ZFR2: variants seen among roughly 807,000 people sequenced by gnomAD.
ZFR2 encodes the protein zinc finger RNA binding protein 2.
A neutral mutation model predicts 105.7 loss-of-function variants in ZFR2; 104 were observed. That is an observed-to-expected ratio of 0.98 (90% CI 0.84 to 1.16). ZFR2 has a LOEUF of 1.16. ZFR2 is among the 50% of genes most tolerant of loss of function. The pLI is 0.00. For missense variants in ZFR2, 1,425 were observed against 1,355.5 expected (o/e 1.05, Z -0.80); for synonymous variants, 634 against 597.7 (o/e 1.06, Z -0.89).
At chr19:3,828,277 TG>T (rs2037974940) in intron 5 of ZFR2, among the ~76,000 whole-genome samples, 1 of 152,078 alleles carries the variant, frequency 6.6e-6, no homozygotes, top group African/African-American at 2.4e-5. Flanking sequence ...CCCAAGTAGC[TG>T]GGACTACAGG....
intron 16 of ZFR2, among the ~76,000 whole-genome samples, chr19:3,809,856 A>G (rs939624931): frequency 1.1e-4 from 17 of 152,140 alleles, no homozygotes. Flanking sequence ...AGGCAGGAGA[A>G]TCGCTTGAGC....
At chr19:3,833,383 TG>T (rs1393319908) in intron 3 of ZFR2, among the ~76,000 whole-genome samples, 1 of 152,036 alleles carries the variant, frequency 6.6e-6, no homozygotes, top group African/African-American at 2.4e-5. Flanking sequence ...GAGACCATCC[TG>T]GCTAATACTG....
At chr19:3,837,547 GATGAACACCGTGACCGTGACACCCA>G (rs2038090059) in intron 1 of ZFR2, among the ~76,000 whole-genome samples, 1 of 148,706 alleles carries the variant, frequency 6.7e-6, no homozygotes. Flanking sequence ...CGTGACACTC[GATGAACACCGTGACCGTGACACCCA>G]ATGAACACCG....
intron 3 of ZFR2, among the ~76,000 whole-genome samples, chr19:3,832,887 C>T (rs949187908): frequency 1.3e-5 from 2 of 151,328 alleles, no homozygotes; most frequent in Non-Finnish European, 2.9e-5. Context: ...AATTCTCCCA[C>T]CTCGGGCCTC....
In ZFR2 at chr19:3,834,639, G is replaced by T; in HGVS notation, c.264+134C>A. On this transcript the variant is annotated intron_variant, in intron 2 of 18. Coordinates refer to ENST00000262961, the MANE Select transcript of ZFR2 (RefSeq NM_015174.2). The surrounding 1 kb of genome is among the most constrained non-coding windows in gnomAD (Gnocchi z 5.3). ...TCCCCACCACGGGTACGCAATGCCA[G>T]CAGAAGGGTCCCGAAGGAAGGATCA... 1.0e-6 allele frequency: 1 copy of T among 982,692 alleles called. No homozygotes were observed. The highest frequency in any genetic ancestry group is 1.5e-6 in the Non-Finnish European group (1 of 654,452). The allele number at this position is 982,692 out of a possible 1,614,324, so 60.9% of individuals were successfully genotyped here.
chr19:3,860,088 T>C (rs147770556), intron 1 of ZFR2, among the ~76,000 whole-genome samples: 15 of 152,040 alleles, frequency 9.9e-5, no homozygotes, highest in African/African-American at 2.4e-4. Flanking sequence ...TGGAGTGCAG[T>C]AGCACAATCA....
intron 11 of ZFR2, 132 bp downstream of exon 11, chr19:3,820,050 C>T: frequency 1.2e-6 from 1 of 864,448 alleles, no homozygotes; most frequent in South Asian, 1.6e-5. Flanking sequence ...GTGAGGAGGC[C>T]TGGGCCATGG....
chr19:3,842,350 A>G (rs1365194909), intron 1 of ZFR2, among the ~76,000 whole-genome samples: 3 of 152,126 alleles, frequency 2.0e-5, no homozygotes, highest in Non-Finnish European at 4.4e-5. Flanking sequence ...GACCCTGAGC[A>G]TTAGAATTGC....
chr19:3,813,071 C>G lies in ZFR2; in HGVS notation c.2242+749G>C, dbSNP rs1396272162. Among the ~76,000 whole-genome samples, 2 of 152,158 alleles carry G rather than the reference C, an allele frequency of 1.3e-5. No individual in the cohort carries two copies. The highest frequency in any genetic ancestry group is 2.9e-5 in the Non-Finnish European group (2 of 68,030). On this transcript the variant is annotated intron_variant, in intron 14 of 18. Coordinates refer to ENST00000262961, the MANE Select transcript of ZFR2 (RefSeq NM_015174.2). The surrounding 1 kb of genome is among the most constrained non-coding windows in gnomAD (Gnocchi z 4.4). ...CTCCAGCCTGGGCAACAGAGCGAGA[C>G]TCTGTCTCAAAAAACAAACAAACAA...
intron 1 of ZFR2, among the ~76,000 whole-genome samples, chr19:3,839,300 C>T (rs985739051): frequency 3.9e-5 from 6 of 151,918 alleles, no homozygotes; most frequent in African/African-American, 4.8e-5. Context: ...TGGGAGGCCA[C>T]GGCAGGCAGA....
intron 1 of ZFR2, among the ~76,000 whole-genome samples, chr19:3,864,688 T>C (rs1165454162): frequency 1.3e-5 from 2 of 152,200 alleles, no homozygotes; most frequent in Non-Finnish European, 2.9e-5. Context: ...TATTCTCAGC[T>C]AAAAAACTGT....
At chr19:3,847,852 G>A (rs949313741) in intron 1 of ZFR2, among the ~76,000 whole-genome samples, 1 of 152,162 alleles carries the variant, frequency 6.6e-6, no homozygotes, top group African/African-American at 2.4e-5. Context: ...AGCTGATTTA[G>A]AATCATCAGG....
chr19:3,818,598 T>A (rs1441589185), intron 12 of ZFR2, among the ~76,000 whole-genome samples: 1 of 152,184 alleles, frequency 6.6e-6, no homozygotes, highest in African/African-American at 2.4e-5. Context: ...GTGGGGACTT[T>A]CTCACTTCCT....
chr19:3,865,617 G>T (rs568727521), intron 1 of ZFR2, among the ~76,000 whole-genome samples: 1 of 152,050 alleles, frequency 6.6e-6, no homozygotes, highest in Non-Finnish European at 1.5e-5. Context: ...CTTGGCCTTC[G>T]AAAGTGCTGG....
Position 3,805,981 on chromosome 19 carries a change from G to C in ZFR2, c.2788C>G (p.Arg930Gly), listed in dbSNP as rs1054214424. The C allele has an allele frequency of 1.3e-6, 2 of 1,541,378 alleles. No homozygotes were observed. The highest frequency in any genetic ancestry group is 2.5e-5 in the East Asian group (1 of 40,334). ...AGCCCCTCTCCGCCCCGCCGGCCCCGCTTCTTCTCCCCTGCGCCCTCCTCT... is the reference window on the plus strand; with the variant it reads ...AGCCCCTCTCCGCCCCGCCGGCCCCCCTTCTTCTCCCCTGCGCCCTCCTCT... ...EGEEGAGEKKRGRRGGEGLV is the reference protein window; with the variant it reads ...EGEEGAGEKKGGRRGGEGLV Residue 930 changes from arginine (R) to glycine (G), a missense_variant, in exon 19 of 19, where the codon CGG becomes GGG. Transcript: ENST00000262961.
rs2037797654 is a variant in ZFR2 at position 3,813,857 on chromosome 19, G to A, written c.2205C>T (p.Thr735=). 8 of 1,613,788 alleles carry A rather than the reference G, an allele frequency of 5.0e-6. No homozygotes were observed. The highest frequency in any genetic ancestry group is 1.3e-5 in the African/African-American group (1 of 74,904). Residue 735 remains threonine, a synonymous_variant, in exon 14 of 19, where the codon ACC becomes ACT. Coordinates refer to ENST00000262961, the MANE Select transcript of ZFR2 (RefSeq NM_015174.2). The surrounding 1 kb of genome is among the most constrained non-coding windows in gnomAD (Gnocchi z 4.4). ...AGGGGTCCTCCCGCATCAGAGGTGA[G>A]GTGACAGATATGGTGACCTGCATCC... is the stretch of plus-strand genomic sequence containing the variant. The part of the protein sequence containing the change: ...EPRMQVTISV[T]SPLMREDPST...
intron 12 of ZFR2, among the ~76,000 whole-genome samples, 165 bp from the exon 13 acceptor site, chr19:3,817,010 G>A (rs775101836): frequency 1.3e-5 from 2 of 152,178 alleles, no homozygotes; most frequent in Non-Finnish European, 2.9e-5. Flanking sequence ...AGGCGCTTGC[G>A]GGATGAAATG....
At chr19:3,820,848 CGG>C (rs1568420736) in intron 10 of ZFR2, among the ~76,000 whole-genome samples, 1 of 32,616 alleles carries the variant, frequency 3.1e-5, no homozygotes, top group African/African-American at 1.2e-4. Flanking sequence ...ACAGGGACAC[CGG>C]GGGTCGGGGG....
intron 12 of ZFR2, among the ~76,000 whole-genome samples, chr19:3,817,762 GAA>G (rs869069657): frequency 1.6e-5 from 1 of 61,824 alleles, no homozygotes; most frequent in Non-Finnish European, 3.5e-5. Flanking sequence ...TCTCAAAAAA[GAA>G]AAAAAAAAAA....
Sources: gnomAD v4.1 joint callset for allele counts (sites outside exome capture counted in the v4.1 genomes callset) on GRCh38, gnomAD v4.1.1 for gene constraint, Gnocchi (gnomAD v3.1) non-coding constraint, MANE v1.5 for transcripts, NCBI Gene and HGNC (gene_info 2026-07-23, HGNC 2026-07-21) for gene names.